FAM210A: variants seen among roughly 807,000 people sequenced by gnomAD.
The protein encoded by FAM210A is family with sequence similarity 210 member A.
In FAM210A, 13 loss-of-function variants were observed where a neutral mutation model predicts 25.3. That is an observed-to-expected ratio of 0.51 (90% confidence interval 0.33 to 0.82). The LOEUF is 0.82. Ranked by LOEUF, FAM210A falls within the 40% of genes least tolerant of loss-of-function variation. FAM210A has a pLI of 0.02. For synonymous variants in FAM210A, 125 were observed against 118.7 expected (o/e 1.05, Z -0.35); for missense variants, 319 against 323.2 (o/e 0.99, Z 0.10).
chr18:13,709,100 C>T (rs986520723), intron 1 of FAM210A, among the ~76,000 whole-genome samples: 1 of 152,212 alleles, frequency 6.6e-6, no homozygotes, highest in Non-Finnish European at 1.5e-5. Context: ...TCAGATTCCT[C>T]TCACATTCTG....
intron 2 of FAM210A, among the ~76,000 whole-genome samples, chr18:13,673,117 T>C (rs1236335936): frequency 1.3e-5 from 2 of 150,480 alleles, no homozygotes; most frequent in African/African-American, 2.5e-5. Flanking sequence ...TCTTGAGCCA[T>C]GACTTATTTC....
intron 1 of FAM210A, among the ~76,000 whole-genome samples, chr18:13,698,351 CAAAAA>C (rs11464991): frequency 5.5e-5 from 4 of 72,924 alleles, no homozygotes; most frequent in Admixed American, 3.5e-4. Flanking sequence ...GACTCCATCT[CAAAAA>C]AAAAAAAAAA....
At position 13,703,665 on chromosome 18, in the gene FAM210A, A is replaced by AT. The variant is rs562226073; in HGVS notation, c.-28-21561dup. Among the ~76,000 whole-genome samples the AT allele has an allele frequency of 3.2e-4, 48 of 152,134 alleles. 1 individual carries two copies. In the South Asian group the frequency reaches 9.5e-3, roughly 30 times the overall value. ...AATAAAAAAATCTTACAACTACTTA[A>AT]TTTTTTTCCATCTGTCTGTGTAGTT... is the stretch of plus-strand genomic sequence containing the variant. On this transcript the variant is annotated intron_variant, in intron 1 of 3. Coordinates refer to ENST00000651643, the MANE Select transcript of FAM210A (RefSeq NM_152352.4).
chr18:13,667,493 T>G (rs1258649702), intron 3 of FAM210A, among the ~76,000 whole-genome samples: 2 of 145,486 alleles, frequency 1.4e-5, no homozygotes, highest in East Asian at 4.2e-4. Flanking sequence ...CTTAGGTGGG[T>G]GGGTCACCTG....
At chr18:13,682,165 T>G in intron 1 of FAM210A, 60 bp from the exon 2 acceptor site, 2 of 1,138,430 alleles carry the variant, frequency 1.8e-6, no homozygotes, top group Non-Finnish European at 2.5e-6. Flanking sequence ...TTAAATCAAT[T>G]CATTTGAAAA....
chr18:13,701,596 T>C (rs963812280), intron 1 of FAM210A, among the ~76,000 whole-genome samples: 3 of 151,830 alleles, frequency 2.0e-5, no homozygotes, highest in African/African-American at 4.8e-5. Context: ...CAAAATAGGA[T>C]CCTCAATTTC....
intron 1 of FAM210A, among the ~76,000 whole-genome samples, chr18:13,689,869 G>A (rs1373524297): frequency 6.6e-6 from 1 of 152,180 alleles, no homozygotes; most frequent in Admixed American, 6.5e-5. Context: ...CGCAGAAGAC[G>A]GGTGATTTCT....
At chr18:13,678,530 T>C (rs1226432874) in intron 2 of FAM210A, among the ~76,000 whole-genome samples, 1 of 152,206 alleles carries the variant, frequency 6.6e-6, no homozygotes, top group Non-Finnish European at 1.5e-5. Flanking sequence ...CCTCAGACGA[T>C]CCGCCTGCCT....
chr18:13,712,930 T>C (rs1454456424), intron 1 of FAM210A, among the ~76,000 whole-genome samples: 1 of 152,198 alleles, frequency 6.6e-6, no homozygotes, highest in Non-Finnish European at 1.5e-5. Flanking sequence ...CAGATAGTGC[T>C]TGTGGACTTG....
chr18:13,726,258 A>G (rs1000415726), intron 1 of FAM210A, 71 bp downstream of exon 1: 1 of 152,392 alleles, frequency 6.6e-6, no homozygotes, highest in Non-Finnish European at 1.5e-5. Context: ...CAGCTCCCGG[A>G]CACACGCCCA....
chr18:13,681,970 T>C lies in FAM210A; in HGVS notation c.108A>G (p.Leu36=). The C allele has an allele frequency of 1.2e-6, 2 of 1,614,116 alleles. No individual in the cohort carries two copies. The highest frequency in any genetic ancestry group is 1.7e-6 in the Non-Finnish European group (2 of 1,180,024). Residue 36 remains leucine, a synonymous_variant, in exon 2 of 4, where the codon TTA becomes TTG. Coordinates refer to ENST00000651643, the MANE Select transcript of FAM210A (RefSeq NM_152352.4). ...FGHCQNVKGP[L]LLYNAESKVV... ...CTTTGGATTCAGCATTGTATAAAAG[T>C]AAAGGTCCCTTTACATTTTGACAGT...
chr18:13,725,505 A>C (rs997943271), intron 1 of FAM210A, among the ~76,000 whole-genome samples: 10 of 152,206 alleles, frequency 6.6e-5, no homozygotes, highest in Non-Finnish European at 1.2e-4. Flanking sequence ...GACAAGAAGG[A>C]AGGCTGGTAA....
chr18:13,687,596 C>T (rs761721457), intron 1 of FAM210A: 4 of 152,220 alleles, frequency 2.6e-5, no homozygotes, highest in Non-Finnish European at 1.5e-5. Context: ...TTCCTAAACA[C>T]ACTGCTCGTG....
At chr18:13,723,040 G>A (rs910929803) in intron 1 of FAM210A, among the ~76,000 whole-genome samples, 5 of 152,026 alleles carry the variant, frequency 3.3e-5, no homozygotes, top group African/African-American at 1.2e-4. Context: ...CTATCTTATT[G>A]TACTCATTAA....
chr18:13,680,503 TCAAGAAATC>T (rs1202932713), intron 2 of FAM210A, among the ~76,000 whole-genome samples: 38 of 152,322 alleles, frequency 2.5e-4, no homozygotes, highest in Middle Eastern at 3.4e-3. Flanking sequence ...AGAAATTTTG[TCAAGAAATC>T]TATGTGGTCC....
intron 1 of FAM210A, among the ~76,000 whole-genome samples, chr18:13,695,481 T>C (rs2043684343): frequency 6.6e-6 from 1 of 152,148 alleles, no homozygotes; most frequent in Non-Finnish European, 1.5e-5. Context: ...CCATCAACGA[T>C]AGACTGGATT....
At chr18:13,715,900 T>C (rs2043858139) in intron 1 of FAM210A, among the ~76,000 whole-genome samples, 2 of 152,170 alleles carry the variant, frequency 1.3e-5, no homozygotes, top group South Asian at 2.1e-4. Context: ...TGTGGCTCAA[T>C]GCTTACACAA....
At chr18:13,713,481 C>T (rs1284215) in intron 1 of FAM210A, among the ~76,000 whole-genome samples, 3,310 of 152,226 alleles carry the variant, frequency 0.022, 116 homozygotes, top group African/African-American at 0.075. Context: ...ACTAAAATCA[C>T]CCCATGTGTA....
chr18:13,692,068 C>G (rs1294593281), intron 1 of FAM210A, among the ~76,000 whole-genome samples: 1 of 46,086 alleles, frequency 2.2e-5, no homozygotes, highest in Non-Finnish European at 4.7e-5. Context: ...ATATACTAAG[C>G]AAATGGAAAA....
Sources: allele counts gnomAD v4.1 joint callset (sites outside exome capture counted in the v4.1 genomes callset), GRCh38; gene constraint gnomAD v4.1.1; transcripts MANE v1.5; gene names NCBI Gene and HGNC (gene_info 2026-07-23, HGNC 2026-07-21).